Variants in ZNF423 observed in about 807,000 individuals in gnomAD.
ZNF423 encodes the protein Ebf-associated zinc finger protein.
ZNF423 carries 12 observed loss-of-function variants against 95.8 expected under a neutral mutation model. The ratio of observed to expected loss-of-function variants is 0.13; its 90% CI spans 0.08 to 0.20. The LOEUF (loss-of-function observed/expected upper bound fraction) is 0.20, where lower values mean the gene tolerates loss of function less well. Ranked by LOEUF, ZNF423 falls within the 10% of genes least tolerant of loss-of-function variation. The probability of loss-of-function intolerance (pLI) is 1.00; values close to 1 mark genes in which losing one functional copy is unlikely to be tolerated. For synonymous variants in ZNF423, 749 were observed against 711.9 expected (o/e 1.05, Z -0.83); for missense variants, 1,316 against 1,737.1 (o/e 0.76, Z 4.31).
intron 5 of ZNF423, among the ~76,000 whole-genome samples, chr16:49,560,274 A>G (rs891050636): frequency 6.6e-6 from 1 of 152,098 alleles, no homozygotes; most frequent in Non-Finnish European, 1.5e-5. Context: ...TTGGCCAATC[A>G]TTTCCGTGAA....
intron 1 of ZNF423, among the ~76,000 whole-genome samples, chr16:49,794,943 T>C (rs916136858): frequency 6.6e-5 from 10 of 152,146 alleles, no homozygotes; most frequent in African/African-American, 2.4e-4. Flanking sequence ...AATAGTGTGA[T>C]CTCAGCTCAC....
intron 1 of ZNF423, among the ~76,000 whole-genome samples, chr16:49,797,178 A>G (rs1485783170): frequency 6.6e-6 from 1 of 152,180 alleles, no homozygotes. Flanking sequence ...GTCAAGCATG[A>G]AACAGAGCAT....
intron 5 of ZNF423, among the ~76,000 whole-genome samples, chr16:49,611,250 G>A (rs1971710779): frequency 6.6e-6 from 1 of 151,974 alleles, no homozygotes; most frequent in Non-Finnish European, 1.5e-5. Context: ...ACCATATCAT[G>A]GGTCATAAAA....
At chr16:49,718,996 AGCTGGAG>A (rs1396293966) in intron 3 of ZNF423, among the ~76,000 whole-genome samples, 1 of 152,232 alleles carries the variant, frequency 6.6e-6, no homozygotes, top group African/African-American at 2.4e-5. Flanking sequence ...TCAGGATCCC[AGCTGGAG>A]GCTATTCCTA....
chr16:49,648,336 A>G (rs1003497445), intron 3 of ZNF423, among the ~76,000 whole-genome samples: 1 of 152,190 alleles, frequency 6.6e-6, no homozygotes, highest in African/African-American at 2.4e-5. Context: ...AAAAGAAAAA[A>G]GATTAAGAAA....
intron 6 of ZNF423, 67 bp from the exon 7 acceptor site, chr16:49,523,806 C>T (rs1477318151): frequency 1.5e-6 from 2 of 1,301,460 alleles, no homozygotes; most frequent in African/African-American, 2.9e-5. Flanking sequence ...GGCAGCTGCC[C>T]CCACAACACT....
intron 5 of ZNF423, among the ~76,000 whole-genome samples, chr16:49,540,304 T>C (rs555020208): frequency 6.6e-6 from 1 of 152,170 alleles, no homozygotes; most frequent in African/African-American, 2.4e-5. Context: ...TTTGTTTCGT[T>C]CTGTTTTTAA....
intron 1 of ZNF423, among the ~76,000 whole-genome samples, chr16:49,830,377 C>T (rs927265192): frequency 6.6e-6 from 1 of 152,152 alleles, no homozygotes; most frequent in Non-Finnish European, 1.5e-5. Context: ...CAGCCGCTCA[C>T]ACAAGCTCCC....
At chr16:49,669,065 C>T (rs1169533819) in intron 3 of ZNF423, among the ~76,000 whole-genome samples, 2 of 152,244 alleles carry the variant, frequency 1.3e-5, no homozygotes, top group Admixed American at 6.5e-5. Context: ...CGCGGCAGCT[C>T]ATGTCTGTAA....
chr16:49,732,614 G>T (rs2033195297), intron 2 of ZNF423, among the ~76,000 whole-genome samples: 1 of 152,148 alleles, frequency 6.6e-6, no homozygotes, highest in Non-Finnish European at 1.5e-5. Flanking sequence ...ACAGGAAAAG[G>T]CTCAGTGCAC....
rs60971141 is a variant in ZNF423 at position 49,728,722 on chromosome 16, T to TTTTATTTA, written c.301+2041_301+2048dup. Among the ~76,000 whole-genome samples the TTTTATTTA allele has an allele frequency of 5.3e-5, 8 of 150,968 alleles. No individual in the cohort carries two copies. The South Asian group carries it at 8.5e-4, about 16-fold the overall frequency. On this transcript the variant is annotated intron_variant, in intron 3 of 7. Transcript: ENST00000563137. The stretch of plus-strand genomic sequence containing the variant: ...TTTCCACCTAGAAGTGCCACCATTC[T>TTTTATTTA]TTTATTTATTTATTTATTTTCCTTT...
chr16:49,506,077 T>C (rs1967621938), intron 7 of ZNF423, among the ~76,000 whole-genome samples: 1 of 152,168 alleles, frequency 6.6e-6, no homozygotes, highest in African/African-American at 2.4e-5. Flanking sequence ...TATGTGTGTG[T>C]AGGTATATGC....
chr16:49,855,150 GC>G lies in ZNF423; in HGVS notation c.40+584del, dbSNP rs1329813018. Among the ~76,000 whole-genome samples, 1 of 150,636 alleles carries G rather than the reference GC, an allele frequency of 6.6e-6. No individual in the cohort carries two copies. ...GGCCTGGGCAGGGGCGGGAGGGGGC[GC>G]CAGGCGGCCGGGGCGAGGGCGCGGC... On this transcript the variant is annotated intron_variant, in intron 1 of 7. Transcript: ENST00000563137. The surrounding 1 kb of genome is among the most constrained non-coding windows in gnomAD (Gnocchi z 4.7).
At chr16:49,539,618 A>G (rs749552477) in intron 5 of ZNF423, among the ~76,000 whole-genome samples, 1 of 152,144 alleles carries the variant, frequency 6.6e-6, no homozygotes, top group Admixed American at 6.5e-5. Context: ...TTGAGTTATT[A>G]ATATCACTGT....
intron 1 of ZNF423, among the ~76,000 whole-genome samples, chr16:49,823,050 ACT>A (rs1407087556): frequency 6.6e-6 from 1 of 152,056 alleles, no homozygotes; most frequent in East Asian, 1.9e-4. Flanking sequence ...GTGACTAATG[ACT>A]CTGGGCAAAG....
At position 49,765,101 on chromosome 16, in the gene ZNF423, T is replaced by C. The variant is rs9929504; in HGVS notation, c.100+24386A>G. 6.3e-3 allele frequency among the ~76,000 whole-genome samples: 963 copies of C among 152,092 alleles called. 14 individuals are homozygous for C. The highest frequency in any genetic ancestry group is 0.022 in the African/African-American group (928 of 41,488). ...GCAACCCCATTCTTGGTTACCTTTC[T>C]CTACCTTCACCTCAATCCCATGTAT... On this transcript the variant is annotated intron_variant, in intron 2 of 7. Coordinates refer to ENST00000563137, the MANE Select transcript of ZNF423 (RefSeq NM_001379286.1).
At chr16:49,607,909 G>A (rs990530756) in intron 5 of ZNF423, among the ~76,000 whole-genome samples, 3 of 152,174 alleles carry the variant, frequency 2.0e-5, no homozygotes, top group Non-Finnish European at 2.9e-5. Context: ...CTCCTTTGAA[G>A]GACAAGACCA....
At chr16:49,856,165 A>G (rs971822439), upstream of ZNF423, 2 of 23,268 alleles carry the variant, frequency 8.6e-5, no homozygotes, top group East Asian at 1.6e-3. Context: ...CCTCCTCCCA[A>G]CCCCCCGCCG....
chr16:49,841,275 C>T (rs952771589), intron 1 of ZNF423, among the ~76,000 whole-genome samples: 4 of 152,146 alleles, frequency 2.6e-5, no homozygotes, highest in Admixed American at 2.6e-4. Flanking sequence ...TCCAGCTCCC[C>T]CTTCTCCTAT....
Sources: gnomAD v4.1 joint callset for allele counts (sites outside exome capture counted in the v4.1 genomes callset) on GRCh38, gnomAD v4.1.1 for gene constraint, Gnocchi (gnomAD v3.1) non-coding constraint, MANE v1.5 for transcripts, NCBI Gene and HGNC (gene_info 2026-07-23, HGNC 2026-07-21) for gene names.